The following PTPRD variants were observed in gnomAD, a reference collection of about 807,000 sequenced individuals.
PTPRD encodes receptor-type tyrosine-protein phosphatase delta.
Under a neutral mutation model 214.5 loss-of-function variants are expected in PTPRD, and 34 were observed. That is an observed-to-expected ratio of 0.16 (90% CI 0.12 to 0.21). PTPRD has a LOEUF of 0.21. Ranked by LOEUF, PTPRD falls within the 10% of genes least tolerant of loss-of-function variation. PTPRD has a pLI of 1.00. For synonymous variants in PTPRD, 1,128 were observed against 845.7 expected, an observed-to-expected ratio of 1.33 and a Z score of -5.79; for missense variants, 2,545 against 2,398.7, an observed-to-expected ratio of 1.06 and a Z score of -1.27.
intron 10 of PTPRD, among the ~76,000 whole-genome samples, chr9:9,116,009 C>A (rs746747492): frequency 2.0e-5 from 3 of 151,812 alleles, no homozygotes; most frequent in African/African-American, 7.3e-5. Flanking sequence ...TATAAGTGAG[C>A]TAAACATTGG....
At chr9:8,818,082 T>C (rs986613409) in intron 11 of PTPRD, among the ~76,000 whole-genome samples, 2 of 152,348 alleles carry the variant, frequency 1.3e-5, no homozygotes, top group Non-Finnish European at 2.9e-5. Context: ...TGAATTTCAA[T>C]TGAACTACAA....
intron 4 of PTPRD, among the ~76,000 whole-genome samples, chr9:10,006,263 C>G (rs539460310): frequency 1.6e-4 from 24 of 152,134 alleles, no homozygotes; most frequent in African/African-American, 5.8e-4. Context: ...AACTCAACTA[C>G]TTAGCATTTG....
intron 2 of PTPRD, among the ~76,000 whole-genome samples, chr9:10,612,097 T>A (rs971677207): frequency 6.6e-6 from 1 of 151,274 alleles, no homozygotes; most frequent in African/African-American, 2.4e-5. Context: ...AACCAACCAA[T>A]GTTTAACAAA....
intron 9 of PTPRD, among the ~76,000 whole-genome samples, chr9:9,252,918 A>G (rs1311513489): frequency 1.3e-5 from 2 of 152,108 alleles, no homozygotes; most frequent in African/African-American, 2.4e-5. Context: ...TTCTTTTTAA[A>G]AGAAATTAAC....
At chr9:10,015,536 G>C (rs977576621) in intron 4 of PTPRD, among the ~76,000 whole-genome samples, 2 of 152,140 alleles carry the variant, frequency 1.3e-5, no homozygotes, top group African/African-American at 4.8e-5. Flanking sequence ...GAAATATAAA[G>C]GCAGTTAGTA....
intron 11 of PTPRD, among the ~76,000 whole-genome samples, chr9:8,774,861 T>G (rs1416471979): frequency 6.6e-6 from 1 of 152,016 alleles, no homozygotes; most frequent in African/African-American, 2.4e-5. Flanking sequence ...AGGGAGAAAA[T>G]ATATTAGAGG....
At chr9:9,605,874 A>G (rs2094120881) in intron 7 of PTPRD, among the ~76,000 whole-genome samples, 1 of 152,106 alleles carries the variant, frequency 6.6e-6, no homozygotes, top group African/African-American at 2.4e-5. Flanking sequence ...ACTTGTCATA[A>G]TGAGGCTCTT....
At chr9:8,680,780 A>G (rs1308140684) in intron 12 of PTPRD, among the ~76,000 whole-genome samples, 2 of 152,178 alleles carry the variant, frequency 1.3e-5, no homozygotes, top group African/African-American at 4.8e-5. Context: ...TCTGTTGGCA[A>G]ATACATTGTT....
chr9:9,503,774 A>G (rs564808529), intron 8 of PTPRD, among the ~76,000 whole-genome samples: 1 of 151,840 alleles, frequency 6.6e-6, no homozygotes, highest in African/African-American at 2.4e-5. Context: ...CATGCCTATG[A>G]TTTTACAAAG....
chr9:10,570,320 G>T (rs764752107), intron 2 of PTPRD, among the ~76,000 whole-genome samples: 1 of 152,028 alleles, frequency 6.6e-6, no homozygotes, highest in Admixed American at 6.6e-5. Flanking sequence ...TTACCACCTG[G>T]CTACTGCAAG....
At position 9,979,814 on chromosome 9, in the gene PTPRD, C is replaced by G. The variant is rs575844743; in HGVS notation, c.-471-41204G>C. ...TATAGAATGATGAGTGAGGGAGAAA[C>G]CCAGCTAACTCAGACATAGGTCTTT... On this transcript the variant is annotated intron_variant, in intron 4 of 45. Transcript: ENST00000381196. Among the ~76,000 whole-genome samples, 37 of 152,156 alleles carry G rather than the reference C, an allele frequency of 2.4e-4. No homozygotes were observed. In the South Asian group the frequency reaches 7.5e-3, roughly 31 times the overall value.
chr9:9,890,163 C>G (rs2072733771), intron 5 of PTPRD, among the ~76,000 whole-genome samples: 1 of 151,976 alleles, frequency 6.6e-6, no homozygotes, highest in South Asian at 2.1e-4. Flanking sequence ...TCTCTTTACT[C>G]CTCACTAGTA....
chr9:9,985,254 A>C lies in PTPRD; in HGVS notation c.-471-46644T>G, dbSNP rs915651921. Among the ~76,000 whole-genome samples the C allele has an allele frequency of 2.6e-5, 4 of 152,180 alleles. No individual in the cohort carries two copies. In the East Asian group the frequency reaches 7.7e-4, roughly 29 times the overall value. ...CTTGTGCGTACTTTTCCCCAGTCCT[A>C]GAGTACCAGAGATAGAAAAGTTTTC... is the stretch of plus-strand genomic sequence containing the variant. On this transcript the variant is annotated intron_variant, in intron 4 of 45. Transcript: ENST00000381196.
At chr9:9,379,408 C>T (rs960072286) in intron 9 of PTPRD, among the ~76,000 whole-genome samples, 1 of 151,674 alleles carries the variant, frequency 6.6e-6, no homozygotes, top group Non-Finnish European at 1.5e-5. Flanking sequence ...TCCTATTCTT[C>T]GTCCAATACC....
intron 10 of PTPRD, among the ~76,000 whole-genome samples, chr9:9,025,907 C>T (rs2099585387): frequency 6.6e-6 from 1 of 151,948 alleles, no homozygotes; most frequent in Non-Finnish European, 1.5e-5. Context: ...TGAACATCTA[C>T]CATGTGTTCT....
intron 3 of PTPRD, among the ~76,000 whole-genome samples, chr9:10,261,913 G>A (rs929096004): frequency 1.3e-5 from 2 of 152,096 alleles, no homozygotes; most frequent in African/African-American, 2.4e-5. Context: ...CTAGAATACA[G>A]TAAATTTGGC....
intron 10 of PTPRD, among the ~76,000 whole-genome samples, chr9:9,100,880 T>C (rs1432505478): frequency 6.6e-6 from 1 of 152,302 alleles, no homozygotes; most frequent in East Asian, 1.9e-4. Context: ...TTCTCATTCA[T>C]ACTGTGTGTA....
intron 11 of PTPRD, among the ~76,000 whole-genome samples, chr9:8,947,029 C>CT (rs71317390): frequency 0.055 from 6,615 of 120,944 alleles, 409 homozygotes; most frequent in African/African-American, 0.16. Flanking sequence ...TTTTTCTTTT[C>CT]TTTTTTTTTT....
chr9:8,810,651 T>G (rs1422535601), intron 11 of PTPRD, among the ~76,000 whole-genome samples: 4 of 152,224 alleles, frequency 2.6e-5, no homozygotes, highest in African/African-American at 4.8e-5. Context: ...AGTAGAGATC[T>G]GAATTTTTAT....
Sources: allele counts gnomAD v4.1 joint callset (sites outside exome capture counted in the v4.1 genomes callset), GRCh38; gene constraint gnomAD v4.1.1; transcripts MANE v1.5; gene names NCBI Gene and HGNC (gene_info 2026-07-23, HGNC 2026-07-21).